BPNT1: variants seen among roughly 807,000 people sequenced by gnomAD.
BPNT1 encodes 3'(2'),5'-bisphosphate nucleotidase 1.
A neutral mutation model predicts 36.9 loss-of-function variants in BPNT1; 28 were observed. The ratio of observed to expected loss-of-function variants is 0.76; its 90% CI spans 0.56 to 1.04. The LOEUF is 1.04. Among genes scored for constraint, BPNT1 ranks in the 50% least tolerant of loss-of-function variants. BPNT1 has a pLI of 0.00. For missense variants in BPNT1, 313 were observed against 372.9 expected, an observed-to-expected ratio of 0.84 and a Z score of 1.32; for synonymous variants, 119 against 130.9, an observed-to-expected ratio of 0.91 and a Z score of 0.62.
intron 4 of BPNT1, 88 bp downstream of exon 4, chr1:220,072,762 A>G (rs996593943): frequency 2.1e-5 from 24 of 1,123,718 alleles, no homozygotes; most frequent in Non-Finnish European, 3.0e-5. Flanking sequence ...ATAACTACCA[A>G]TTTTTCATCT....
intron 6 of BPNT1, among the ~76,000 whole-genome samples, chr1:220,064,756 A>G (rs1373300693): frequency 6.6e-6 from 1 of 152,192 alleles, no homozygotes; most frequent in Admixed American, 6.5e-5. Context: ...CTCTGTTCCC[A>G]TCTGAGTTTA....
chr1:220,072,703 C>A (rs1664177687), intron 4 of BPNT1, 147 bp downstream of exon 4: 2 of 631,200 alleles, frequency 3.2e-6, no homozygotes, highest in Non-Finnish European at 5.6e-6. Flanking sequence ...TTGCCTGATA[C>A]TTCCATGTTG....
chr1:220,082,125 A>G (rs868817518), intron 1 of BPNT1, among the ~76,000 whole-genome samples: 12 of 140,204 alleles, frequency 8.6e-5, no homozygotes, highest in African/African-American at 2.4e-4. Context: ...GAGAGAGTGT[A>G]TATATATATA....
intron 1 of BPNT1, among the ~76,000 whole-genome samples, chr1:220,087,357 CCAGCCTGACCA>C (rs1484058779): frequency 6.6e-6 from 1 of 152,038 alleles, no homozygotes; most frequent in Non-Finnish European, 1.5e-5. Flanking sequence ...GAGTTCAAGA[CCAGCCTGACCA>C]ACTTGGTGAA....
At chr1:220,084,487 C>T (rs1655529074) in intron 1 of BPNT1, among the ~76,000 whole-genome samples, 1 of 152,048 alleles carries the variant, frequency 6.6e-6, no homozygotes, top group Non-Finnish European at 1.5e-5. Context: ...TTTGTTCTAC[C>T]CAGCTGTCTT....
chr1:220,073,083 T>C (rs1290188510), intron 3 of BPNT1, 126 bp from the exon 4 acceptor site: 2 of 837,094 alleles, frequency 2.4e-6, no homozygotes, highest in Non-Finnish European at 1.9e-6. Flanking sequence ...CCATTTATAT[T>C]TAGAGCTTTT....
intron 5 of BPNT1, 129 bp from the exon 6 acceptor site, chr1:220,067,522 C>A: frequency 1.9e-6 from 1 of 521,100 alleles, no homozygotes; most frequent in Non-Finnish European, 3.4e-6. Flanking sequence ...CGTGATCAAT[C>A]CTATTTATAG....
rs144537902 is a variant in BPNT1, at chr1:220,074,643, G to A, written c.121-572C>T. ...CCCAAGTAGCTGGGACTACAGGCAC[G>A]TGCCACCATGCCCGGCTAATTTTTT... On this transcript the variant is annotated intron_variant, in intron 2 of 8. Transcript: ENST00000322067. Among the ~76,000 whole-genome samples, 236 of 151,760 alleles carry A rather than the reference G, an allele frequency of 1.6e-3. 2 individuals are homozygous for A. Among genetic ancestry groups the A allele is most frequent in the African/African-American group, 5.3e-3 (218 of 41,364 alleles).
In BPNT1 at chr1:220,057,791, T is replaced by G. The variant is rs1350284536; in HGVS notation, c.*1053A>C. The G allele has an allele frequency of 8.9e-7, 1 of 1,124,752 alleles. No homozygotes were observed. The highest frequency in any genetic ancestry group is 1.2e-6 in the Non-Finnish European group (1 of 831,810). 69.7% of individuals were successfully genotyped at this position (1,124,752 alleles called of 1,614,324 possible). On this transcript the variant is annotated 3_prime_UTR_variant, in exon 9 of 9. Transcript: ENST00000322067. ...AAATCTGTTTCATAAGCATATATAA[T>G]AACATCATATATATTCTTAATTGGA...
rs552610473 is a variant in BPNT1 at position 220,058,173 on chromosome 1, C to T, written c.*671G>A. ...CCTAGGCTACAGAGCGAGACTCCGT[C>T]TCAGGAAAAAAAAAGAGAAATCTGG... On this transcript the variant is annotated 3_prime_UTR_variant, in exon 9 of 9. Transcript: ENST00000322067. 6.1e-6 allele frequency: 6 copies of T among 991,516 alleles called. No individual in the cohort carries two copies. The East Asian group carries it at 5.2e-4, about 87-fold the overall frequency. 61.4% of individuals were successfully genotyped at this position (991,516 alleles called of 1,614,324 possible).
In BPNT1 at chr1:220,068,052, T is replaced by C. The variant is rs937956320; in HGVS notation, c.383-659A>G. 3.3e-5 allele frequency among the ~76,000 whole-genome samples: 5 copies of C among 152,182 alleles called. No individual in the cohort carries two copies. In the East Asian group the frequency reaches 9.6e-4, roughly 29 times the overall value. ...CTGTGATTCACCCATTATAGCGATG[T>C]CTCATTCAAGAACAGTAAAATAGTT... On this transcript the variant is annotated intron_variant, in intron 5 of 8. Coordinates refer to ENST00000322067, the MANE Select transcript of BPNT1 (RefSeq NM_006085.6).
rs1663175738 is a variant in BPNT1 at position 220,062,827 on chromosome 1, T to G, written c.602A>C (p.Lys201Thr). The G allele has an allele frequency of 6.2e-7, 1 of 1,614,044 alleles. No individual in the cohort carries two copies. The highest frequency in any genetic ancestry group is 8.5e-7 in the Non-Finnish European group (1 of 1,180,030). ...AGCAGCAACACAGTCAGTAACCAAC[T>G]TGTTGCTATGGGATCGAGTAGTTGT... ...IITTTRSHSN[K>T]LVTDCVAAMN... Residue 201 changes from lysine (K) to threonine (T), a missense_variant, in exon 7 of 9, where the codon AAG becomes ACG. Lys to Thr is a moderately conservative substitution (Grantham distance 78). Transcript: ENST00000322067.
intron 2 of BPNT1, among the ~76,000 whole-genome samples, chr1:220,076,551 G>C (rs926116210): frequency 2.7e-5 from 4 of 150,022 alleles, no homozygotes; most frequent in African/African-American, 9.8e-5. Context: ...TGGATGTGGT[G>C]GCACATGCCT....
At chr1:220,073,142 A>C (rs1385895997) in intron 3 of BPNT1, among the ~76,000 whole-genome samples, 185 bp from the exon 4 acceptor site, 2 of 152,230 alleles carry the variant, frequency 1.3e-5, no homozygotes, top group African/African-American at 4.8e-5. Flanking sequence ...GGCTCATCAA[A>C]ATTGACTAAA....
intron 7 of BPNT1, among the ~76,000 whole-genome samples, chr1:220,061,289 C>A (rs966874757): frequency 6.6e-6 from 1 of 152,030 alleles, no homozygotes; most frequent in Admixed American, 6.6e-5. Context: ...TAAATGGTAA[C>A]CTGCTATCAA....
chr1:220,070,634 T>C (rs1002583698), intron 4 of BPNT1, among the ~76,000 whole-genome samples: 3 of 151,516 alleles, frequency 2.0e-5, no homozygotes, highest in Non-Finnish European at 4.4e-5. Context: ...GCTAATTTTT[T>C]TGTATTTTTA....
intron 1 of BPNT1, among the ~76,000 whole-genome samples, chr1:220,082,085 TAGAGAGAGAGAGAGAGAG>T (rs3055555): frequency 1.9e-5 from 2 of 103,280 alleles, no homozygotes; most frequent in South Asian, 3.3e-4. Flanking sequence ...TATATATATA[TAGAGAGAGAGAGAGAGAG>T]AGAGAGAGAG....
chr1:220,058,567 T>G lies in BPNT1; in HGVS notation c.*277A>C. ...TTTTTCTGAGACAGGGCTTAACTCCTGTCACTCAGGCTGGAGTGCAGTGGC... is the reference window on the plus strand; with the variant it reads ...TTTTTCTGAGACAGGGCTTAACTCCGGTCACTCAGGCTGGAGTGCAGTGGC... On this transcript the variant is annotated 3_prime_UTR_variant, in exon 9 of 9. Coordinates refer to ENST00000322067, the MANE Select transcript of BPNT1 (RefSeq NM_006085.6). 1 of 919,836 alleles carries G rather than the reference T, an allele frequency of 1.1e-6. No homozygotes were observed. Among genetic ancestry groups the G allele is most frequent in the Non-Finnish European group, 1.3e-6 (1 of 751,382 alleles). The allele number at this position is 919,836 out of a possible 1,614,324, so 57.0% of individuals were successfully genotyped here. A position where few individuals can be genotyped will look rare whatever the true frequency, so the allele number is the denominator to read the frequency against.
chr1:220,073,609 AAGTG>A lies in BPNT1; in HGVS notation c.225+354_225+357del, dbSNP rs1664277807. On this transcript the variant is annotated intron_variant, in intron 3 of 8. Coordinates refer to ENST00000322067, the MANE Select transcript of BPNT1 (RefSeq NM_006085.6). ...GCCTGGCCTAATTCCCTCATTTTCA[AAGTG>A]TTATAGTCTTTGGATAAGTATGCAA... Among the ~76,000 whole-genome samples, 3 of 152,284 alleles carry A rather than the reference AAGTG, an allele frequency of 2.0e-5. 1 individual carries two copies. The South Asian group carries it at 6.2e-4, about 32-fold the overall frequency.
Sources: gnomAD v4.1 joint callset for allele counts (sites outside exome capture counted in the v4.1 genomes callset) on GRCh38, gnomAD v4.1.1 for gene constraint, MANE v1.5 for transcripts, NCBI Gene and HGNC (gene_info 2026-07-23, HGNC 2026-07-21) for gene names.